SNX30: variants seen among roughly 807,000 people sequenced by gnomAD.
The protein encoded by SNX30 is sorting nexin family member 30.
SNX30 carries 24 observed loss-of-function variants against 46.4 expected under a neutral mutation model. The ratio of observed to expected loss-of-function variants is 0.52; its 90% CI spans 0.37 to 0.73. The LOEUF (loss-of-function observed/expected upper bound fraction) is 0.73. Among genes scored for constraint, SNX30 ranks in the 30% least tolerant of loss-of-function variants. SNX30 has a pLI of 0.00. For missense variants in SNX30, 533 were observed against 555.7 expected, an observed-to-expected ratio of 0.96 and a Z score of 0.41; for synonymous variants, 189 against 211.5, an observed-to-expected ratio of 0.89 and a Z score of 0.92.
chr9:112,811,350 C>T (rs1299790547), intron 2 of SNX30, among the ~76,000 whole-genome samples: 3 of 152,196 alleles, frequency 2.0e-5, no homozygotes, highest in African/African-American at 7.2e-5. Flanking sequence ...GACCACGTCT[C>T]TCTGGAGTGA....
At chr9:112,862,340 T>C (rs1467246664) in intron 7 of SNX30, among the ~76,000 whole-genome samples, 3 of 152,154 alleles carry the variant, frequency 2.0e-5, no homozygotes, top group Non-Finnish European at 2.9e-5. Flanking sequence ...AAACAGGAAG[T>C]TGCTCATAGG....
intron 1 of SNX30, among the ~76,000 whole-genome samples, chr9:112,785,535 C>T (rs567115529): frequency 2.7e-4 from 41 of 152,206 alleles, no homozygotes; most frequent in African/African-American, 7.9e-4. Context: ...AGGCATTTGC[C>T]ACCATGCCCG....
intron 1 of SNX30, among the ~76,000 whole-genome samples, chr9:112,767,039 A>G (rs1278907866): frequency 6.6e-6 from 1 of 151,948 alleles, no homozygotes; most frequent in African/African-American, 2.4e-5. Flanking sequence ...CTGTTTTCCA[A>G]AGCAGTTGCA....
chr9:112,860,402 G>A (rs1157504048), intron 7 of SNX30, among the ~76,000 whole-genome samples: 1 of 152,192 alleles, frequency 6.6e-6, no homozygotes, highest in Non-Finnish European at 1.5e-5. Flanking sequence ...TCCCCTGGCT[G>A]CAACTCCCTC....
At chr9:112,856,934 G>C (rs1462713259) in intron 7 of SNX30, 2 of 152,530 alleles carry the variant, frequency 1.3e-5, no homozygotes, top group Non-Finnish European at 2.9e-5. Flanking sequence ...CCATGTGACA[G>C]ATGGGGGCCC....
At chr9:112,819,222 CTA>C (rs1840452349) in intron 3 of SNX30, among the ~76,000 whole-genome samples, 1 of 150,410 alleles carries the variant, frequency 6.6e-6, no homozygotes, top group Admixed American at 6.6e-5. Context: ...CCATTATTAA[CTA>C]AAAGTCTTTT....
At chr9:112,845,842 A>C (rs1840933457) in intron 6 of SNX30, among the ~76,000 whole-genome samples, 2 of 152,204 alleles carry the variant, frequency 1.3e-5, no homozygotes, top group African/African-American at 4.8e-5. Flanking sequence ...CTCTTGGATG[A>C]GTGGACAGAC....
chr9:112,814,493 G>T (rs1050338550), intron 2 of SNX30, among the ~76,000 whole-genome samples: 1 of 152,038 alleles, frequency 6.6e-6, no homozygotes, highest in African/African-American at 2.4e-5. Flanking sequence ...TGCCTGCCTC[G>T]GCCTCCCAAA....
chr9:112,843,619 G>C (rs557096446), intron 6 of SNX30, among the ~76,000 whole-genome samples: 3 of 125,834 alleles, frequency 2.4e-5, no homozygotes, highest in African/African-American at 8.7e-5. Flanking sequence ...GCCTGGTCCT[G>C]CAGTAGCTTT....
intron 7 of SNX30, among the ~76,000 whole-genome samples, chr9:112,852,783 AC>A (rs1841050385): frequency 6.6e-6 from 1 of 152,146 alleles, no homozygotes; most frequent in African/African-American, 2.4e-5. Flanking sequence ...AGAGTGAGGA[AC>A]GTTAGTAAGA....
chr9:112,874,187 G>A lies in SNX30; in HGVS notation c.*5344G>A, dbSNP rs1841487106. 1 of 152,284 alleles carries A rather than the reference G, an allele frequency of 6.6e-6. No individual in the cohort carries two copies. Among genetic ancestry groups the A allele is most frequent in the Non-Finnish European group, 1.5e-5 (1 of 68,046 alleles). The allele number at this position is 152,284 out of a possible 1,614,324, so 9.4% of individuals were successfully genotyped here. A position where few individuals can be genotyped will look rare whatever the true frequency, so the allele number is the denominator to read the frequency against. ...GGATTGCAAACCAAAATGTGAGTCA[G>A]TGTGATGAAGCAGTGGCTCTGTCAT... On this transcript the variant is annotated 3_prime_UTR_variant, in exon 9 of 9. Coordinates refer to ENST00000374232, the MANE Select transcript of SNX30 (RefSeq NM_001012994.2).
chr9:112,777,832 A>G (rs1396632678), intron 1 of SNX30, among the ~76,000 whole-genome samples: 1 of 151,766 alleles, frequency 6.6e-6, no homozygotes, highest in Non-Finnish European at 1.5e-5. Context: ...TACCCAATTT[A>G]ATTGTTCCTT....
intron 1 of SNX30, among the ~76,000 whole-genome samples, chr9:112,794,927 G>A (rs545604488): frequency 1.3e-5 from 2 of 152,198 alleles, no homozygotes; most frequent in East Asian, 3.9e-4. Context: ...AAACCTACAT[G>A]GTGAAAATTG....
Position 112,869,018 on chromosome 9 carries a change from AT to A in SNX30, c.*177del. 1 of 639,950 alleles carries A rather than the reference AT, an allele frequency of 1.6e-6. No homozygotes were observed. The highest frequency in any genetic ancestry group is 2.8e-6 in the Non-Finnish European group (1 of 359,752). 39.6% of individuals were successfully genotyped at this position (639,950 alleles called of 1,614,324 possible). ...CCACAGTGGTTTTCAATTAGTATTTATTCCATGGTGGAGTCTGTGAGGCTAG... is the reference window on the plus strand; with the variant it reads ...CCACAGTGGTTTTCAATTAGTATTTATCCATGGTGGAGTCTGTGAGGCTAG... On this transcript the variant is annotated 3_prime_UTR_variant, in exon 9 of 9. Transcript: ENST00000374232.
intron 3 of SNX30, among the ~76,000 whole-genome samples, chr9:112,818,332 T>C (rs1055769487): frequency 1.3e-4 from 20 of 151,646 alleles, no homozygotes; most frequent in Admixed American, 1.3e-3. Flanking sequence ...CAGGTTCAAG[T>C]GGATCACCTG....
At chr9:112,848,321 T>A (rs1264024455) in intron 6 of SNX30, among the ~76,000 whole-genome samples, 1 of 152,026 alleles carries the variant, frequency 6.6e-6, no homozygotes, top group Non-Finnish European at 1.5e-5. Flanking sequence ...ATTTTATCAA[T>A]AGAGACTGGG....
At chr9:112,779,710 A>C (rs1046245872) in intron 1 of SNX30, among the ~76,000 whole-genome samples, 3 of 152,052 alleles carry the variant, frequency 2.0e-5, no homozygotes, top group Non-Finnish European at 2.9e-5. Context: ...ACAAACCAAA[A>C]AGAGAGCTGC....
chr9:112,826,632 GGCT>G (rs1840583373), intron 3 of SNX30, among the ~76,000 whole-genome samples: 1 of 152,088 alleles, frequency 6.6e-6, no homozygotes, highest in African/African-American at 2.4e-5. Context: ...TTTCCACAGG[GGCT>G]AAGGAATGGA....
intron 7 of SNX30, among the ~76,000 whole-genome samples, chr9:112,857,042 C>T (rs1002404353): frequency 1.3e-5 from 2 of 152,186 alleles, no homozygotes; most frequent in Non-Finnish European, 2.9e-5. Flanking sequence ...GGTGCCTTTC[C>T]CCAGGGCGCG....
Sources: allele counts gnomAD v4.1 joint callset (sites outside exome capture counted in the v4.1 genomes callset), GRCh38; gene constraint gnomAD v4.1.1; transcripts MANE v1.5; gene names NCBI Gene and HGNC (gene_info 2026-07-23, HGNC 2026-07-21).